The following CA6 variants were observed in gnomAD, a reference collection of about 807,000 sequenced individuals.
CA6 encodes carbonate dehydratase VI.
Under a neutral mutation model 35.9 loss-of-function variants are expected in CA6, and 28 were observed. That is an observed-to-expected ratio of 0.78 (90% CI 0.58 to 1.07). The LOEUF (loss-of-function observed/expected upper bound fraction) is 1.07. CA6 is among the 50% of genes least tolerant of loss of function. The pLI is 0.00. For missense variants in CA6, 377 were observed against 382.0 expected, an observed-to-expected ratio of 0.99 and a Z score of 0.11; for synonymous variants, 148 against 152.6, an observed-to-expected ratio of 0.97 and a Z score of 0.22.
intron 4 of CA6, among the ~76,000 whole-genome samples, chr1:8,962,123 T>C (rs1274181571): frequency 6.6e-6 from 1 of 151,704 alleles, no homozygotes; most frequent in African/African-American, 2.4e-5. Context: ...GCACCTGTAA[T>C]CCCAGCTACT....
rs562148848 is a variant in CA6, at chr1:8,962,395, G to C, written c.502-192G>C. On this transcript the variant is annotated intron_variant, in intron 4 of 7. Coordinates refer to ENST00000377443, the MANE Select transcript of CA6 (RefSeq NM_001215.4). ...ACTTCAGATAATGCCTTTCTGGAAGGACTCATGAACCTGCGTGGTTGGTAG... is the reference window on the plus strand; with the variant it reads ...ACTTCAGATAATGCCTTTCTGGAAGCACTCATGAACCTGCGTGGTTGGTAG... Among the ~76,000 whole-genome samples, 17 of 152,190 alleles carry C rather than the reference G, an allele frequency of 1.1e-4. 1 individual carries two copies. The highest frequency in any genetic ancestry group is 4.6e-4 in the Admixed American group (7 of 15,262).
chr1:8,961,836 C>T (rs1391015665), intron 4 of CA6, among the ~76,000 whole-genome samples: 1 of 152,172 alleles, frequency 6.6e-6, no homozygotes, highest in Non-Finnish European at 1.5e-5. Flanking sequence ...TGTAGTCGTT[C>T]TGCCTTGGAC....
At position 8,970,959 on chromosome 1, in the gene CA6, G is replaced by A; in HGVS notation, c.822G>A (p.Val274=). ...RRTQPLNHRV[V]ESNFPNQEYT... ...CCCAGCCCCTGAACCACAGAGTGGT[G>A]GAATCCAACTTCCCGAATCAGGGTG... The change falls in exon 7 of 8, where the codon GTG becomes GTA. Residue 274 remains valine (V), a synonymous_variant. Transcript: ENST00000377443. The A allele has an allele frequency of 6.2e-7, 1 of 1,612,702 alleles. No homozygotes were observed. The highest frequency in any genetic ancestry group is 1.1e-5 in the South Asian group (1 of 91,044).
chr1:8,974,422 C>T (rs1463268497), intron 7 of CA6, 200 bp from the exon 8 acceptor site: 1 of 1,533,846 alleles, frequency 6.5e-7, no homozygotes, highest in South Asian at 1.2e-5. Context: ...CACCCCTTGG[C>T]TCTGGGCAGC....
rs144200738 is a variant in CA6, at chr1:8,953,759, C to T, written c.260-3378C>T. 1.4e-3 allele frequency among the ~76,000 whole-genome samples: 215 copies of T among 152,256 alleles called. 2 individuals are homozygous for T. Among genetic ancestry groups the T allele is most frequent in the African/African-American group, 5.0e-3 (206 of 41,544 alleles). Reference sequence around the variant, plus strand: ...CAGAGGCGTTTGAACCAGAGTGACCCCATCTTGAATAGGGGGTGGGTAAGA... The same window carrying T: ...CAGAGGCGTTTGAACCAGAGTGACCTCATCTTGAATAGGGGGTGGGTAAGA... On this transcript the variant is annotated intron_variant, in intron 2 of 7. Coordinates refer to ENST00000377443, the MANE Select transcript of CA6 (RefSeq NM_001215.4).
chr1:8,966,262 A>G (rs1418689547), intron 5 of CA6, among the ~76,000 whole-genome samples: 1 of 151,982 alleles, frequency 6.6e-6, no homozygotes, highest in Non-Finnish European at 1.5e-5. Context: ...GGCACGTGCC[A>G]CCATGCCCAG....
chr1:8,959,033 T>C (rs761090744), intron 4 of CA6, 31 bp downstream of exon 4: 6 of 1,330,552 alleles, frequency 4.5e-6, no homozygotes, highest in Non-Finnish European at 6.5e-6. Context: ...TGTGTCTGTA[T>C]TTGAAGTTAT....
At position 8,963,733 on chromosome 1, in the gene CA6, G is replaced by T. The variant is rs1490192805; in HGVS notation, c.571+1077G>T. ...TTTTTTGTATTTTCAGTAGAGACAG[G>T]GTCTCACCATGTTCTCAGGCTGGTC... On this transcript the variant is annotated intron_variant, in intron 5 of 7. Coordinates refer to ENST00000377443, the MANE Select transcript of CA6 (RefSeq NM_001215.4). The surrounding 1 kb of genome is among the most constrained non-coding windows in gnomAD (Gnocchi z 4.1). Among the ~76,000 whole-genome samples the T allele has an allele frequency of 6.6e-6, 1 of 152,034 alleles. No homozygotes were observed.
At chr1:8,953,125 A>G (rs1639584572) in intron 2 of CA6, among the ~76,000 whole-genome samples, 1 of 152,164 alleles carries the variant, frequency 6.6e-6, no homozygotes, top group Non-Finnish European at 1.5e-5. Flanking sequence ...GGTTGGAATC[A>G]CACAGCATGT....
In CA6 at chr1:8,962,790, C is replaced by T; in HGVS notation, c.571+134C>T. 9.6e-6 allele frequency: 7 copies of T among 732,198 alleles called. No homozygotes were observed. In the South Asian group the frequency reaches 1.1e-4, roughly 11 times the overall value. 45.4% of individuals were successfully genotyped at this position (732,198 alleles called of 1,614,324 possible). On this transcript the variant is annotated intron_variant, in intron 5 of 7. Transcript: ENST00000377443. The stretch of plus-strand genomic sequence containing the variant: ...TGGGCCCTGCCAAGGGAGTCCATCC[C>T]TCCCTGTGCCAGGTTACTTGTTCCA...
At chr1:8,960,425 G>A (rs1410620581) in intron 4 of CA6, among the ~76,000 whole-genome samples, 3 of 151,276 alleles carry the variant, frequency 2.0e-5, no homozygotes, top group African/African-American at 7.3e-5. Context: ...TATCATAAAT[G>A]TTTGAAGAAT....
intron 2 of CA6, chr1:8,952,542 C>T (rs2124243551): frequency 6.6e-6 from 1 of 152,210 alleles, no homozygotes; most frequent in South Asian, 2.1e-4. Flanking sequence ...AGGAATTCTA[C>T]TGAAGGGGGA....
chr1:8,959,369 C>A (rs1252272513), intron 4 of CA6, among the ~76,000 whole-genome samples: 1 of 150,350 alleles, frequency 6.7e-6, no homozygotes, highest in African/African-American at 2.5e-5. Context: ...GGTTGGAGTG[C>A]AGTGGCACAA....
At chr1:8,949,222 G>A (rs554170526) in intron 1 of CA6, 41 bp from the exon 2 acceptor site, 12 of 1,488,720 alleles carry the variant, frequency 8.1e-6, no homozygotes, top group Admixed American at 4.5e-5. Context: ...CAGAGTGGGC[G>A]CAGCCAGGCA....
In CA6 at chr1:8,949,385, A is replaced by C. The variant is rs2274328; in HGVS notation, c.202A>C (p.Met68Leu). 808,887 of 1,609,992 alleles carry C rather than the reference A, an allele frequency of 0.5. 205,038 individuals carry two copies. The highest frequency in any genetic ancestry group is 0.54 in the Middle Eastern group (3,288 of 6,048). The change falls in exon 2 of 8, where the codon ATG becomes CTG. Residue 68 changes from methionine to leucine, a missense_variant. Physicochemically the swap from Met to Leu is conservative, Grantham distance 15. Coordinates refer to ENST00000377443, the MANE Select transcript of CA6 (RefSeq NM_001215.4). ...RYNPSLKGLN[M>L]TGYETQAGEF... ...CAACCCCTCCTTGAAGGGGCTCAAT[A>C]TGACAGGCTATGAGACCCAGGCAGG...
intron 3 of CA6, 92 bp from the exon 4 acceptor site, chr1:8,958,818 A>G (rs1308339765): frequency 6.5e-5 from 47 of 726,424 alleles, no homozygotes; most frequent in Non-Finnish European, 2.4e-6. Context: ...CCTCAGACGG[A>G]GCACCTTTCT....
At chr1:8,974,303 A>G (rs776532966) in intron 7 of CA6, 29 of 1,272,324 alleles carry the variant, frequency 2.3e-5, no homozygotes, top group Non-Finnish European at 3.0e-5. Flanking sequence ...CCAAATACGG[A>G]CCTCTTGCGA....
intron 2 of CA6, 29 bp downstream of exon 2, chr1:8,949,471 A>T (rs761098413): frequency 2.5e-6 from 4 of 1,590,636 alleles, no homozygotes; most frequent in Non-Finnish European, 2.6e-6. Flanking sequence ...GAGGGGCTCC[A>T]GTCCATGGGC....
chr1:8,973,765 T>TTTC (rs1640185290), intron 7 of CA6, among the ~76,000 whole-genome samples: 1 of 30,170 alleles, frequency 3.3e-5, no homozygotes, highest in Non-Finnish European at 5.1e-5. Context: ...TCTTTCTTTC[T>TTTC]TTCTTTCTTT....
Sources: allele counts gnomAD v4.1 joint callset (sites outside exome capture counted in the v4.1 genomes callset), GRCh38; gene constraint gnomAD v4.1.1; non-coding constraint Gnocchi (gnomAD v3.1); transcripts MANE v1.5; gene names NCBI Gene and HGNC (gene_info 2026-07-23, HGNC 2026-07-21).